Variants in CBR4 observed in about 807,000 individuals in gnomAD.
CBR4 encodes carbonyl reductase 4.
In CBR4, 22 loss-of-function variants were observed where a neutral mutation model predicts 21.0. The observed-to-expected ratio is 1.05, with a 90% CI of 0.75 to 1.50. The LOEUF (loss-of-function observed/expected upper bound fraction) is 1.50. Ranked by LOEUF, CBR4 falls within the 40% of genes most tolerant of loss-of-function variation. The probability of loss-of-function intolerance (pLI) is 0.00; values close to 1 mark genes in which losing one functional copy is unlikely to be tolerated. For synonymous variants in CBR4, 100 were observed against 104.4 expected (o/e 0.96, Z 0.26); for missense variants, 302 against 286.3 (o/e 1.05, Z -0.40).
rs1271164196 is a variant in CBR4 at position 168,921,567 on chromosome 4, C to G, written n.170-26802G>C. 5.0e-6 allele frequency: 8 copies of G among 1,608,168 alleles called. No homozygotes were observed. The Admixed American group carries it at 1.4e-4, about 27-fold the overall frequency. ...GTTACCAACCCCAGATCTAAGCTGG[C>G]AACTAGATGGAAAGCCCGTACGCCC... On this transcript the variant is annotated intron_variant and non_coding_transcript_variant, in intron 2 of 3. Coordinates refer to the CBR4 transcript ENST00000509108.
At chr4:169,006,003 T>G in intron 3 of CBR4, 1 of 960,802 alleles carries the variant, frequency 1.0e-6, no homozygotes, top group South Asian at 1.3e-5. Context: ...TCAAGTCATT[T>G]TGCATTTTAA....
chr4:168,901,375 A>G (rs1232908202), intron 2 of CBR4, among the ~76,000 whole-genome samples: 1 of 152,064 alleles, frequency 6.6e-6, no homozygotes, highest in Admixed American at 6.6e-5. Flanking sequence ...GCCCTCCCGA[A>G]TTTCTCCCTC....
At chr4:168,966,242 C>T (rs1369098962) in intron 2 of CBR4, among the ~76,000 whole-genome samples, 1 of 150,968 alleles carries the variant, frequency 6.6e-6, no homozygotes, top group Admixed American at 6.6e-5. Context: ...AGTCAGGAAA[C>T]GTGGCTCACG....
chr4:169,006,973 G>T, intron 2 of CBR4, 82 bp from the exon 3 acceptor site: 1 of 1,087,250 alleles, frequency 9.2e-7, no homozygotes, highest in South Asian at 1.4e-5. Flanking sequence ...CATTTTTACT[G>T]AGAGTGCAAG....
At chr4:168,984,582 A>G (rs1406213303), downstream of CBR4, among the ~76,000 whole-genome samples, 1 of 152,214 alleles carries the variant, frequency 6.6e-6, no homozygotes, top group Non-Finnish European at 1.5e-5. Flanking sequence ...GAACCAAAAA[A>G]GAGCCAAAGA....
chr4:168,989,394 C>A lies in CBR4; in HGVS notation c.*756G>T. 1 of 985,342 alleles carries A rather than the reference C, an allele frequency of 1.0e-6. No homozygotes were observed. 61.0% of individuals were successfully genotyped at this position (985,342 alleles called of 1,614,324 possible). A position where few individuals can be genotyped will look rare whatever the true frequency, so the allele number is the denominator to read the frequency against. ...ATTTCTCAAGAATGAGTCAAATGCG[C>A]CACATTTAAATTTGCAGATTATTTT... On this transcript the variant is annotated 3_prime_UTR_variant, in exon 5 of 5. Coordinates refer to ENST00000306193, the MANE Select transcript of CBR4 (RefSeq NM_032783.5).
At chr4:168,929,417 C>T (rs1762896147) in intron 2 of CBR4, among the ~76,000 whole-genome samples, 1 of 152,138 alleles carries the variant, frequency 6.6e-6, no homozygotes, top group South Asian at 2.1e-4. Context: ...TTGTGTATTT[C>T]ACATTGTCTT....
chr4:169,000,015 T>C (rs891510308), intron 4 of CBR4, among the ~76,000 whole-genome samples: 3 of 152,230 alleles, frequency 2.0e-5, no homozygotes, highest in Admixed American at 6.5e-5. Context: ...GCATGAGTTA[T>C]TGTTAGCTAA....
At chr4:168,986,858 T>C (rs915644102), downstream of CBR4, among the ~76,000 whole-genome samples, 11 of 152,126 alleles carry the variant, frequency 7.2e-5, no homozygotes, top group East Asian at 1.9e-4. Flanking sequence ...AGGAAAATCA[T>C]TGGAGCCCAG....
intron 2 of CBR4, among the ~76,000 whole-genome samples, chr4:168,920,384 C>T (rs953484256): frequency 2.0e-5 from 3 of 152,144 alleles, no homozygotes; most frequent in South Asian, 2.1e-4. Flanking sequence ...TTGAGTATCA[C>T]GTAGCAGGAA....
At position 168,988,288 on chromosome 4, in the gene CBR4, A is replaced by T. The variant is rs1485174579; in HGVS notation, c.*1862T>A. The T allele has an allele frequency of 2.0e-6, 2 of 985,082 alleles. No homozygotes were observed. The highest frequency in any genetic ancestry group is 3.5e-5 in the African/African-American group (2 of 57,234). 61.0% of individuals were successfully genotyped at this position (985,082 alleles called of 1,614,324 possible). A position where few individuals can be genotyped will look rare whatever the true frequency, so the allele number is the denominator to read the frequency against. ...GATAGGCTGGGGGAGGAGGTGGAAT[A>T]GCTTAAAAGGTTATATTTCTTATTT... On this transcript the variant is annotated 3_prime_UTR_variant, in exon 5 of 5. Coordinates refer to ENST00000306193, the MANE Select transcript of CBR4 (RefSeq NM_032783.5).
In CBR4 at chr4:168,925,082, A is replaced by G. The variant is rs1281701005; in HGVS notation, n.170-30317T>C. 3.2e-5 allele frequency: 51 copies of G among 1,613,876 alleles called. No homozygotes were observed. The highest frequency in any genetic ancestry group is 4.3e-5 in the Non-Finnish European group (51 of 1,179,908). On this transcript the variant is annotated intron_variant and non_coding_transcript_variant, in intron 2 of 3. Coordinates refer to the CBR4 transcript ENST00000509108. The stretch of plus-strand genomic sequence containing the variant: ...ACTGCCAGGCTGGACGTTTACAGTG[A>G]GTGCCACTTCATCTCATTTCATTGC...
rs1578991227 is a variant in CBR4, at chr4:168,990,332, A to G, written c.536-4T>C. The G allele has an allele frequency of 1.2e-5, 19 of 1,586,208 alleles. No individual in the cohort carries two copies. Among genetic ancestry groups the G allele is most frequent in the Non-Finnish European group, 1.5e-5 (17 of 1,165,404 alleles). On this transcript the variant is annotated splice_polypyrimidine_tract_variant and splice_region_variant and intron_variant, in intron 4 of 4. Transcript: ENST00000306193. ...GTCATATCTGTGTGTACAAATCCTAAAAGAGAAATGTTTGTTTAGTTGAAA... is the reference window on the plus strand; with the variant it reads ...GTCATATCTGTGTGTACAAATCCTAGAAGAGAAATGTTTGTTTAGTTGAAA...
At chr4:168,917,044 T>TG (rs1285807614) in intron 2 of CBR4, among the ~76,000 whole-genome samples, 18 of 140,004 alleles carry the variant, frequency 1.3e-4, no homozygotes, top group African/African-American at 5.0e-4. Flanking sequence ...TTTTGTTTTT[T>TG]TGGGGTTTTT....
chr4:168,913,070 T>G (rs149886387), intron 2 of CBR4, among the ~76,000 whole-genome samples: 73 of 152,204 alleles, frequency 4.8e-4, no homozygotes, highest in Non-Finnish European at 8.7e-4. Context: ...CCACGCATAC[T>G]TCTTACATAA....
chr4:168,923,632 T>C (rs539327221), intron 2 of CBR4, among the ~76,000 whole-genome samples: 2 of 152,294 alleles, frequency 1.3e-5, no homozygotes, highest in African/African-American at 4.8e-5. Flanking sequence ...AATAAAGCTT[T>C]TTTATAACCT....
rs575515512 is a variant in CBR4, at chr4:168,955,388, T to C, written n.169+46683A>G. Reference sequence around the variant, plus strand: ...ATAATGTTAATATATAACTGATAAATAGAAAAGCTAAATTTAAACAAACAC... The same window carrying C: ...ATAATGTTAATATATAACTGATAAACAGAAAAGCTAAATTTAAACAAACAC... On this transcript the variant is annotated intron_variant and non_coding_transcript_variant, in intron 2 of 3. Transcript: ENST00000509108. Among the ~76,000 whole-genome samples the C allele has an allele frequency of 3.9e-5, 6 of 152,274 alleles. No individual in the cohort carries two copies. The South Asian group carries it at 6.2e-4, about 16-fold the overall frequency.
intron 2 of CBR4, among the ~76,000 whole-genome samples, chr4:168,918,889 A>T (rs1169078770): frequency 7.9e-5 from 12 of 152,220 alleles, no homozygotes; most frequent in Admixed American, 7.9e-4. Flanking sequence ...TAATTAGATT[A>T]TACCAAAGAA....
chr4:168,969,105 C>T (rs1764128887), intron 2 of CBR4, among the ~76,000 whole-genome samples: 1 of 152,230 alleles, frequency 6.6e-6, no homozygotes, highest in African/African-American at 2.4e-5. Context: ...GTTAGCTTGA[C>T]TGTATTCCCA....
Sources: allele counts gnomAD v4.1 joint callset (sites outside exome capture counted in the v4.1 genomes callset), GRCh38; gene constraint gnomAD v4.1.1; transcripts MANE v1.5; gene names NCBI Gene and HGNC (gene_info 2026-07-23, HGNC 2026-07-21).